The following ERC2 variants were observed in gnomAD, a reference collection of about 807,000 sequenced individuals.
ERC2 encodes the protein ELKS/RAB6-interacting/CAST family member 2.
In ERC2, 42 loss-of-function variants were observed where a neutral mutation model predicts 114.8. The observed-to-expected ratio is 0.37, with a 90% CI of 0.29 to 0.47. ERC2 has a LOEUF of 0.47. Ranked by LOEUF, ERC2 falls within the 20% of genes least tolerant of loss-of-function variation. The probability of loss-of-function intolerance (pLI) is 0.99; values close to 1 mark genes in which losing one functional copy is unlikely to be tolerated. For synonymous variants in ERC2, 454 were observed against 425.5 expected, an observed-to-expected ratio of 1.07 and a Z score of -0.82; for missense variants, 939 against 1,150.7, an observed-to-expected ratio of 0.82 and a Z score of 2.66.
At chr3:55,684,322 G>GCACA (rs148145445) in intron 16 of ERC2, among the ~76,000 whole-genome samples, 107 of 149,502 alleles carry the variant, frequency 7.2e-4, no homozygotes, top group African/African-American at 2.3e-3. Flanking sequence ...ACACACACAC[G>GCACA]CACACACACA....
At chr3:56,461,819 A>G (rs74283990) in intron 1 of ERC2, among the ~76,000 whole-genome samples, 1 of 152,218 alleles carries the variant, frequency 6.6e-6, no homozygotes, top group Non-Finnish European at 1.5e-5. Context: ...CTGAGGGTCC[A>G]GATAAATTTT....
intron 8 of ERC2, among the ~76,000 whole-genome samples, chr3:56,013,124 A>G (rs916700306): frequency 6.6e-6 from 1 of 152,202 alleles, no homozygotes. Flanking sequence ...GAACCAAGTC[A>G]TATTCAATCT....
intron 17 of ERC2, among the ~76,000 whole-genome samples, chr3:55,613,695 G>C (rs1019073818): frequency 1.4e-4 from 21 of 152,192 alleles, no homozygotes; most frequent in African/African-American, 4.6e-4. Context: ...AGACGTGGCT[G>C]TGGCCGGGCG....
chr3:55,864,360 T>C (rs1373428776), intron 14 of ERC2, among the ~76,000 whole-genome samples: 3 of 151,422 alleles, frequency 2.0e-5, no homozygotes, highest in South Asian at 2.1e-4. Flanking sequence ...AAAATAGCAG[T>C]TTCATATGGT....
chr3:56,007,061 C>A (rs2072549572), intron 10 of ERC2, 120 bp downstream of exon 10: 1 of 846,266 alleles, frequency 1.2e-6, no homozygotes, highest in Non-Finnish European at 1.8e-6. Context: ...TTAATTAATT[C>A]TTTTATCAGC....
At chr3:55,726,420 T>C (rs1421181129) in intron 15 of ERC2, among the ~76,000 whole-genome samples, 1 of 152,226 alleles carries the variant, frequency 6.6e-6, no homozygotes, top group Non-Finnish European at 1.5e-5. Context: ...CAACCGTGGC[T>C]TCTAGCAGAG....
chr3:55,771,193 T>C (rs887351113), intron 14 of ERC2, among the ~76,000 whole-genome samples: 2 of 152,216 alleles, frequency 1.3e-5, no homozygotes, highest in Non-Finnish European at 2.9e-5. Flanking sequence ...ATGGTATTTC[T>C]GGTTCTAGAT....
Position 55,960,259 on chromosome 3 carries a change from G to T in ERC2, c.2268-9699C>A, listed in dbSNP as rs529102558. ...ATAAAATTGCACACCAGTGAACTTT[G>T]CTGGCCAGTCTCATCCCACACCATC... On this transcript the variant is annotated intron_variant, in intron 12 of 17. Transcript: ENST00000288221. Among the ~76,000 whole-genome samples, 8 of 152,228 alleles carry T rather than the reference G, an allele frequency of 5.3e-5. No homozygotes were observed. The South Asian group carries it at 1.5e-3, about 28-fold the overall frequency.
In ERC2 at chr3:55,945,444, G is replaced by A. The variant is rs114069500; in HGVS notation, c.2403+4981C>T. 5.2e-3 allele frequency among the ~76,000 whole-genome samples: 786 copies of A among 152,302 alleles called. 6 individuals carry two copies. The highest frequency in any genetic ancestry group is 0.017 in the African/African-American group (726 of 41,566). ...AGTGGCTTGGAGAGATGAACATTTA[G>A]ATATGAAGCTTAAAAAATTGCTGCT... On this transcript the variant is annotated intron_variant, in intron 13 of 17. Transcript: ENST00000288221.
intron 14 of ERC2, among the ~76,000 whole-genome samples, chr3:55,796,472 C>G (rs529429544): frequency 1.4e-4 from 22 of 152,294 alleles, no homozygotes; most frequent in African/African-American, 5.1e-4. Flanking sequence ...TTCGCCCAGG[C>G]TGGAGTGCAG....
At chr3:55,756,689 G>C (rs1161988055) in intron 14 of ERC2, among the ~76,000 whole-genome samples, 1 of 152,116 alleles carries the variant, frequency 6.6e-6, no homozygotes, top group East Asian at 1.9e-4. Flanking sequence ...TGAAAACAAA[G>C]GGGCACCAAC....
intron 14 of ERC2, among the ~76,000 whole-genome samples, chr3:55,754,450 CT>C (rs1559601903): frequency 1.3e-5 from 2 of 148,388 alleles, no homozygotes; most frequent in Non-Finnish European, 3.0e-5. Flanking sequence ...TAGCAGGATT[CT>C]TTTGGATATC....
chr3:56,257,312 T>A (rs956184217), intron 3 of ERC2, among the ~76,000 whole-genome samples: 1 of 152,220 alleles, frequency 6.6e-6, no homozygotes, highest in African/African-American at 2.4e-5. Context: ...TCTGCCCTAG[T>A]AAAGTGGCAA....
chr3:56,328,824 CA>C (rs967750810), intron 2 of ERC2, among the ~76,000 whole-genome samples: 13 of 152,284 alleles, frequency 8.5e-5, no homozygotes, highest in African/African-American at 2.9e-4. Context: ...ACTTCATCAA[CA>C]CCTGACATTG....
intron 13 of ERC2, among the ~76,000 whole-genome samples, chr3:55,947,272 T>A (rs1012310639): frequency 8.0e-6 from 1 of 125,436 alleles, no homozygotes; most frequent in Admixed American, 8.6e-5. Flanking sequence ...CTCAACTATA[T>A]CCACACACTA....
rs866687413 is a variant in ERC2, at chr3:55,835,012, A to C, written c.2564+53377T>G. 3.8e-3 allele frequency among the ~76,000 whole-genome samples: 577 copies of C among 151,730 alleles called. 3 individuals are homozygous for C. Among genetic ancestry groups the C allele is most frequent in the African/African-American group, 0.012 (486 of 41,162 alleles). ...CTAGAAAATCTAGAAGAAATGGATAAATTCCTCGACACATACACCCTCCCA... is the reference window on the plus strand; with the variant it reads ...CTAGAAAATCTAGAAGAAATGGATACATTCCTCGACACATACACCCTCCCA... On this transcript the variant is annotated intron_variant, in intron 14 of 17. Coordinates refer to ENST00000288221, the MANE Select transcript of ERC2 (RefSeq NM_015576.3).
chr3:55,778,541 A>C (rs1342869403), intron 14 of ERC2, among the ~76,000 whole-genome samples: 1 of 152,226 alleles, frequency 6.6e-6, no homozygotes, highest in Admixed American at 6.5e-5. Context: ...TCATATAATT[A>C]TGAAAGTTCT....
At chr3:56,076,076 A>C (rs1005361801) in intron 7 of ERC2, among the ~76,000 whole-genome samples, 7 of 152,094 alleles carry the variant, frequency 4.6e-5, no homozygotes, top group Admixed American at 1.3e-4. Context: ...CCAGGAGCCA[A>C]CTCCATTCAC....
intron 2 of ERC2, among the ~76,000 whole-genome samples, chr3:56,301,861 C>T (rs1009692796): frequency 1.3e-5 from 2 of 152,012 alleles, no homozygotes; most frequent in African/African-American, 2.4e-5. Flanking sequence ...AGTAGTAATT[C>T]CTTCTACCTT....
Sources: gnomAD v4.1 joint callset for allele counts (sites outside exome capture counted in the v4.1 genomes callset) on GRCh38, gnomAD v4.1.1 for gene constraint, MANE v1.5 for transcripts, NCBI Gene and HGNC (gene_info 2026-07-23, HGNC 2026-07-21) for gene names.